Variants in GLIS3 observed in about 807,000 individuals in gnomAD.
The protein encoded by GLIS3 is GLIS family zinc finger 3, also known as zinc finger protein GLIS3.
A neutral mutation model predicts 78.6 loss-of-function variants in GLIS3; 53 were observed. The observed-to-expected ratio is 0.67, with a 90% CI of 0.54 to 0.85. The LOEUF is 0.85. GLIS3 is among the 40% of genes least tolerant of loss of function. The pLI is 0.00. For synonymous variants in GLIS3, 684 were observed against 509.9 expected (o/e 1.34, Z -4.60); for missense variants, 1,703 against 1,231.1 (o/e 1.38, Z -5.74).
intron 4 of GLIS3, among the ~76,000 whole-genome samples, chr9:3,989,861 T>TACACAC (rs149272300): frequency 2.0e-5 from 3 of 150,920 alleles, no homozygotes; most frequent in South Asian, 2.1e-4. Context: ...GTATAGAACT[T>TACACAC]ACACACACAC....
chr9:3,843,149 C>A (rs1316128552), intron 9 of GLIS3, among the ~76,000 whole-genome samples: 1 of 152,318 alleles, frequency 6.6e-6, no homozygotes, highest in South Asian at 2.1e-4. Flanking sequence ...GTGGCTTAGA[C>A]TTCTGTTGTC....
chr9:4,396,708 T>C, the GLIS3 span, among the ~76,000 whole-genome samples: 1 of 152,228 alleles, frequency 6.6e-6, no homozygotes, highest in African/African-American at 2.4e-5. Context: ...ATGATATGTA[T>C]ATGTACAGAC....
intron 2 of GLIS3, among the ~76,000 whole-genome samples, chr9:4,141,168 G>T (rs947579423): frequency 1.3e-5 from 2 of 152,188 alleles, no homozygotes; most frequent in Non-Finnish European, 2.9e-5. Flanking sequence ...GTGCTCTGAA[G>T]GTGGCAGAGC....
chr9:4,320,406 C>A (rs1339353487), intron 2 of GLIS3, among the ~76,000 whole-genome samples: 4 of 152,154 alleles, frequency 2.6e-5, no homozygotes, highest in Non-Finnish European at 5.9e-5. Flanking sequence ...TCAAACTGAA[C>A]TCTTACTTTC....
intron 2 of GLIS3, among the ~76,000 whole-genome samples, chr9:4,169,647 G>C (rs891989147): frequency 5.9e-5 from 9 of 152,138 alleles, no homozygotes; most frequent in African/African-American, 1.9e-4. Flanking sequence ...ACTTGCATAA[G>C]AAAATGTGCA....
chr9:3,861,506 A>T (rs1820211382), intron 8 of GLIS3, among the ~76,000 whole-genome samples: 1 of 148,208 alleles, frequency 6.7e-6, no homozygotes, highest in African/African-American at 2.5e-5. Context: ...TTGCAGCACT[A>T]TTCACAATAG....
intron 8 of GLIS3, among the ~76,000 whole-genome samples, chr9:3,865,907 C>G (rs908531162): frequency 6.6e-6 from 1 of 152,096 alleles, no homozygotes; most frequent in South Asian, 2.1e-4. Context: ...AAATAAAACA[C>G]AGGTGGATAA....
intron 9 of GLIS3, among the ~76,000 whole-genome samples, chr9:3,849,107 CTG>C (rs1196289658): frequency 1.3e-5 from 2 of 152,184 alleles, no homozygotes; most frequent in African/African-American, 4.8e-5. Context: ...ACAGAAATCT[CTG>C]TGTTGGCAAC....
At chr9:3,960,089 A>G (rs1193053431) in intron 4 of GLIS3, among the ~76,000 whole-genome samples, 2 of 152,244 alleles carry the variant, frequency 1.3e-5, no homozygotes, top group African/African-American at 4.8e-5. Flanking sequence ...GTGAGCCGAG[A>G]TGGAGCCACT....
chr9:4,157,912 T>C (rs920086845), intron 2 of GLIS3, among the ~76,000 whole-genome samples: 1 of 152,196 alleles, frequency 6.6e-6, no homozygotes, highest in Non-Finnish European at 1.5e-5. Flanking sequence ...ATAAATTTTA[T>C]CCTCAAAAAA....
rs566796831 is a variant in GLIS3 at position 4,182,852 on chromosome 9, G to A, written c.389-56911C>T. Among the ~76,000 whole-genome samples the A allele has an allele frequency of 3.3e-5, 5 of 152,260 alleles. No homozygotes were observed. In the East Asian group the frequency reaches 9.7e-4, roughly 29 times the overall value. Reference sequence around the variant, plus strand: ...CTACCATGAGTAAAAGCATCTGAGTGCTCTCTATGTATCACCCTGTCTGAT... The same window carrying A: ...CTACCATGAGTAAAAGCATCTGAGTACTCTCTATGTATCACCCTGTCTGAT... On this transcript the variant is annotated intron_variant, in intron 2 of 10. Coordinates refer to ENST00000381971, the MANE Select transcript of GLIS3 (RefSeq NM_001042413.2).
chr9:4,011,874 T>C (rs965196298), intron 4 of GLIS3, among the ~76,000 whole-genome samples: 6 of 152,082 alleles, frequency 3.9e-5, no homozygotes, highest in African/African-American at 7.2e-5. Context: ...CGCCAAGAGA[T>C]TGGTCTCTCT....
At chr9:4,304,449 G>C (rs182359738), upstream of GLIS3, among the ~76,000 whole-genome samples, 23 of 152,282 alleles carry the variant, frequency 1.5e-4, no homozygotes, top group African/African-American at 5.1e-4. Flanking sequence ...ATAAGGAGGA[G>C]AGCCTGTCTG....
At chr9:3,947,874 G>T (rs1445337) in intron 4 of GLIS3, among the ~76,000 whole-genome samples, 4,678 of 152,246 alleles carry the variant, frequency 0.031, 235 homozygotes, top group African/African-American at 0.11. Flanking sequence ...CTGACACTGT[G>T]CTTTTCTCAA....
At chr9:4,162,077 C>T (rs1026710925) in intron 2 of GLIS3, among the ~76,000 whole-genome samples, 4 of 152,110 alleles carry the variant, frequency 2.6e-5, no homozygotes, top group African/African-American at 9.7e-5. Flanking sequence ...TTCCCAGCTT[C>T]TGGTGGTTGC....
chr9:4,131,354 A>G (rs1832957524), intron 2 of GLIS3, among the ~76,000 whole-genome samples: 1 of 152,132 alleles, frequency 6.6e-6, no homozygotes, highest in African/African-American at 2.4e-5. Context: ...GGGAGGGGTC[A>G]GGGTGATATA....
intron 4 of GLIS3, among the ~76,000 whole-genome samples, chr9:4,050,480 G>C (rs891240205): frequency 1.2e-4 from 18 of 152,106 alleles, no homozygotes; most frequent in African/African-American, 4.3e-4. Context: ...ATAGCGTTAG[G>C]TGAAATACCT....
At chr9:4,007,233 G>A (rs954019042) in intron 4 of GLIS3, among the ~76,000 whole-genome samples, 2 of 152,116 alleles carry the variant, frequency 1.3e-5, no homozygotes, top group African/African-American at 4.8e-5. Flanking sequence ...CTAAAATAGG[G>A]GGGACATCAG....
intron 9 of GLIS3, among the ~76,000 whole-genome samples, chr9:3,851,628 C>G (rs971221795): frequency 2.6e-5 from 4 of 152,158 alleles, no homozygotes; most frequent in African/African-American, 9.7e-5. Context: ...CACACAATGT[C>G]TAGGCTCAGT....
Sources: allele counts gnomAD v4.1 joint callset (sites outside exome capture counted in the v4.1 genomes callset), GRCh38; gene constraint gnomAD v4.1.1; transcripts MANE v1.5; gene names NCBI Gene and HGNC (gene_info 2026-07-23, HGNC 2026-07-21).